Variants in TNIP3 observed in about 807,000 individuals in gnomAD.
TNIP3 encodes TNFAIP3-interacting protein 3.
A neutral mutation model predicts 54.1 loss-of-function variants in TNIP3; 34 were observed. The observed-to-expected ratio is 0.63, with a 90% CI of 0.48 to 0.84. The LOEUF (loss-of-function observed/expected upper bound fraction) is 0.84. TNIP3 is among the 40% of genes least tolerant of loss of function. TNIP3 has a pLI of 0.00. For missense variants in TNIP3, 366 were observed against 387.6 expected (o/e 0.94, Z 0.47); for synonymous variants, 134 against 136.8 (o/e 0.98, Z 0.14).
chr4:121,179,828 A>T (rs184076228), intron 3 of TNIP3, among the ~76,000 whole-genome samples: 156 of 143,174 alleles, frequency 1.1e-3, no homozygotes, highest in African/African-American at 3.1e-3. Context: ...AGGGTGGGGG[A>T]GGGATGACAA....
intron 2 of TNIP3, among the ~76,000 whole-genome samples, chr4:121,203,130 T>G (rs538348805): frequency 9.9e-5 from 15 of 152,186 alleles, no homozygotes; most frequent in South Asian, 2.1e-4. Context: ...TGTAGAAGCA[T>G]GTTTATAGCA....
chr4:121,154,728 G>A (rs753484953), intron 4 of TNIP3, 49 bp from the exon 5 acceptor site: 6 of 1,523,792 alleles, frequency 3.9e-6, no homozygotes, highest in East Asian at 4.6e-5. Flanking sequence ...CAAGTCAAAT[G>A]AGATGATATT....
intron 1 of TNIP3, among the ~76,000 whole-genome samples, chr4:121,222,873 T>G (rs1402781985): frequency 6.8e-6 from 1 of 148,052 alleles, no homozygotes; most frequent in Non-Finnish European, 1.5e-5. Flanking sequence ...TGGCGCGATC[T>G]TGGCTCACTG....
At chr4:121,225,478 T>G (rs943138506) in intron 1 of TNIP3, among the ~76,000 whole-genome samples, 2 of 152,234 alleles carry the variant, frequency 1.3e-5, no homozygotes, top group Non-Finnish European at 2.9e-5. Context: ...AAGTGATTTC[T>G]TTTTGTTCTA....
intron 7 of TNIP3, among the ~76,000 whole-genome samples, chr4:121,144,888 GA>G (rs1560640700): frequency 6.6e-6 from 1 of 152,134 alleles, no homozygotes; most frequent in Admixed American, 6.5e-5. Flanking sequence ...TACAGATGAA[GA>G]AAAGGAAGCA....
chr4:121,157,397 G>T, intron 3 of TNIP3, 154 bp from the exon 4 acceptor site: 1 of 910,714 alleles, frequency 1.1e-6, no homozygotes, highest in Non-Finnish European at 1.7e-6. Context: ...AACACAGATC[G>T]GGATACTCGC....
In TNIP3 at chr4:121,158,672, G is replaced by C. The variant is rs74396543; in HGVS notation, c.213+15C>G. On this transcript the variant is annotated intron_variant, in intron 3 of 10. Transcript: ENST00000057513. ...ATGGCTTTAAAGAAAATACCGAATA[G>C]AGAGAGGTATTTACCTTTCTTTCAT... 39,457 of 1,584,660 alleles carry C rather than the reference G, an allele frequency of 0.025. 628 individuals are homozygous for C. The highest frequency in any genetic ancestry group is 0.047 in the Admixed American group (2,805 of 59,262).
Position 121,142,760 on chromosome 4 carries a change from A to T in TNIP3, c.752T>A (p.Met251Lys). The T allele has an allele frequency of 6.2e-7, 1 of 1,612,560 alleles. No homozygotes were observed. Among genetic ancestry groups the T allele is most frequent in the Non-Finnish European group, 8.5e-7 (1 of 1,178,978 alleles). The change falls in exon 8 of 11, where the codon ATG (methionine) becomes AAG (lysine). Residue 251 changes from methionine to lysine, a missense_variant. Coordinates refer to ENST00000057513, the MANE Select transcript of TNIP3 (RefSeq NM_024873.6). ...RLNSQIKACQMEKEKLEKQLK... is the reference protein window; with the variant it reads ...RLNSQIKACQKEKEKLEKQLK... The stretch of plus-strand genomic sequence containing the variant: ...TTGCTTTTCTAGTTTTTCTTTCTCC[A>T]TCTGACAAGCTTTTATCTAAAGACA...
chr4:121,138,510 A>T (rs2148794680), intron 10 of TNIP3, 114 bp downstream of exon 10: 3 of 1,006,392 alleles, frequency 3.0e-6, no homozygotes. Flanking sequence ...TATGTAACAC[A>T]ACTTTATAGT....
intron 2 of TNIP3, among the ~76,000 whole-genome samples, chr4:121,160,672 T>C (rs1730396092): frequency 6.6e-6 from 1 of 152,226 alleles, no homozygotes; most frequent in African/African-American, 2.4e-5. Flanking sequence ...TAATGCTTTT[T>C]AACTCCCATG....
rs114945578 is a variant in TNIP3 at position 121,198,187 on chromosome 4, G to A, written c.69-15391C>T. ...AGAAATTACTTGTAAGAGAAAGTAA[G>A]CAATGACATTTTTAGGACTTTTCAA... On this transcript the variant is annotated intron_variant, in intron 2 of 12. Coordinates refer to the TNIP3 transcript ENST00000507879. Among the ~76,000 whole-genome samples the A allele has an allele frequency of 4.0e-3, 611 of 151,082 alleles. 4 individuals are homozygous for A. The highest frequency in any genetic ancestry group is 0.014 in the African/African-American group (588 of 41,072).
intron 2 of TNIP3, among the ~76,000 whole-genome samples, chr4:121,202,246 C>T (rs1725932775): frequency 6.6e-6 from 1 of 152,070 alleles, no homozygotes; most frequent in Admixed American, 6.5e-5. Context: ...ATAGAGAACC[C>T]AGCAATAAGG....
At chr4:121,209,524 C>A (rs1432361770) in intron 2 of TNIP3, among the ~76,000 whole-genome samples, 1 of 152,124 alleles carries the variant, frequency 6.6e-6, no homozygotes, top group Non-Finnish European at 1.5e-5. Context: ...AGATGTCACA[C>A]TGGGTATAAT....
At chr4:121,142,701 A>G in intron 8 of TNIP3, 25 bp downstream of exon 8, 1 of 1,589,282 alleles carries the variant, frequency 6.3e-7, no homozygotes, top group Non-Finnish European at 8.6e-7. Flanking sequence ...GAATAAATGT[A>G]TGCGTGAAAA....
At chr4:121,187,635 A>G (rs1336212971) in intron 2 of TNIP3, among the ~76,000 whole-genome samples, 2 of 152,232 alleles carry the variant, frequency 1.3e-5, no homozygotes, top group East Asian at 3.8e-4. Context: ...AAAGAAAACA[A>G]CTATAGGTCC....
At position 121,158,678 on chromosome 4, in the gene TNIP3, G is replaced by A. The variant is rs567762622; in HGVS notation, c.213+9C>T. On this transcript the variant is annotated intron_variant, in intron 3 of 10. Coordinates refer to ENST00000057513, the MANE Select transcript of TNIP3 (RefSeq NM_024873.6). ...TTAAAGAAAATACCGAATAGAGAGA[G>A]GTATTTACCTTTCTTTCATATAACT... 19 of 1,603,632 alleles carry A rather than the reference G, an allele frequency of 1.2e-5. No individual in the cohort carries two copies. The highest frequency in any genetic ancestry group is 1.6e-4 in the Middle Eastern group (1 of 6,064).
upstream of TNIP3, among the ~76,000 whole-genome samples, chr4:121,220,839 C>T (rs1726997385): frequency 6.6e-6 from 1 of 152,002 alleles, no homozygotes; most frequent in African/African-American, 2.4e-5. Context: ...TTCGTTCCTG[C>T]TGTGATTTGG....
In TNIP3 at chr4:121,132,281, C is replaced by A; in HGVS notation, c.*350G>T. The A allele has an allele frequency of 4.2e-6, 1 of 238,798 alleles. No individual in the cohort carries two copies. Among genetic ancestry groups the A allele is most frequent in the East Asian group, 9.3e-5 (1 of 10,784 alleles). 14.8% of individuals were successfully genotyped at this position (238,798 alleles called of 1,614,324 possible). On this transcript the variant is annotated 3_prime_UTR_variant, in exon 11 of 11. Coordinates refer to ENST00000057513, the MANE Select transcript of TNIP3 (RefSeq NM_024873.6). The stretch of plus-strand genomic sequence containing the variant: ...GCACTTTAAATCAACATACAATATC[C>A]CTGCAGCAAACACTGAGTTGCCTAA...
At chr4:121,137,686 T>C (rs2148794018) in intron 10 of TNIP3, 1 of 315,784 alleles carries the variant, frequency 3.2e-6, no homozygotes, top group East Asian at 8.0e-5. Flanking sequence ...CTATTTACAC[T>C]CCATAACAGA....
Sources: allele counts gnomAD v4.1 joint callset (sites outside exome capture counted in the v4.1 genomes callset), GRCh38; gene constraint gnomAD v4.1.1; transcripts MANE v1.5; gene names NCBI Gene and HGNC (gene_info 2026-07-23, HGNC 2026-07-21).